The following PHF24 variants were observed in gnomAD, a reference collection of about 807,000 sequenced individuals.
PHF24 encodes the protein PHD finger protein 24.
A neutral mutation model predicts 42.6 loss-of-function variants in PHF24; 25 were observed. The observed-to-expected ratio is 0.59, with a 90% CI of 0.43 to 0.82. The LOEUF (loss-of-function observed/expected upper bound fraction) is 0.82. Among genes scored for constraint, PHF24 ranks in the 40% least tolerant of loss-of-function variants. PHF24 has a pLI of 0.00. For missense variants in PHF24, 470 were observed against 538.1 expected, an observed-to-expected ratio of 0.87 and a Z score of 1.25; for synonymous variants, 185 against 204.8, an observed-to-expected ratio of 0.90 and a Z score of 0.83.
upstream of PHF24, among the ~76,000 whole-genome samples, chr9:34,954,592 C>T (rs1280724333): frequency 6.6e-6 from 1 of 152,140 alleles, no homozygotes; most frequent in Non-Finnish European, 1.5e-5. Flanking sequence ...TTCTGATTTC[C>T]CCCCACAGTC....
exon 8 of PHF24, chr9:34,978,045 G>C (rs1050903587): frequency 1.1e-5 from 18 of 1,614,082 alleles, no homozygotes; most frequent in Admixed American, 1.7e-5. Flanking sequence ...TCCTGCAAGA[G>C]AATGTCCTCT....
the PHF24 span, among the ~76,000 whole-genome samples, chr9:34,765,316 T>C: frequency 6.6e-6 from 1 of 150,708 alleles, no homozygotes; most frequent in African/African-American, 2.4e-5. Flanking sequence ...AGTCTCCCAT[T>C]ATTATTGTGT....
the PHF24 span, among the ~76,000 whole-genome samples, chr9:34,852,168 C>T: frequency 2.0e-5 from 3 of 152,136 alleles, no homozygotes; most frequent in African/African-American, 7.2e-5. Flanking sequence ...TTTTCTCTTC[C>T]TTATGACTTT....
chr9:34,835,578 G>T, the PHF24 span: 3 of 1,551,756 alleles, frequency 1.9e-6, no homozygotes, highest in African/African-American at 2.7e-5. Context: ...ACAAGGCTGG[G>T]GTTGCTCTGC....
the PHF24 span, among the ~76,000 whole-genome samples, chr9:34,924,224 G>A: frequency 6.6e-6 from 1 of 152,018 alleles, no homozygotes; most frequent in African/African-American, 2.4e-5. Flanking sequence ...CTAATATATG[G>A]GCTGTCCTTG....
At chr9:34,689,964 C>T in the PHF24 span, 171 of 1,613,940 alleles carry the variant, frequency 1.1e-4, no homozygotes, top group Non-Finnish European at 1.4e-4. This position sits in a 1 kb window ranked among gnomAD's most constrained non-coding sequence, Gnocchi z 4.1. Flanking sequence ...CTGGATGATG[C>T]GTTCTACCCA....
chr9:34,811,284 G>A, the PHF24 span, among the ~76,000 whole-genome samples: 3 of 152,184 alleles, frequency 2.0e-5, no homozygotes, highest in Non-Finnish European at 4.4e-5. Flanking sequence ...TGGTTTGAAT[G>A]TGTCTCCCAA....
At chr9:34,875,946 A>ACTCTCTCTCTCTCT in the PHF24 span, among the ~76,000 whole-genome samples, 6 of 89,072 alleles carry the variant, frequency 6.7e-5, no homozygotes, top group African/African-American at 3.0e-4. Context: ...ACACACACAC[A>ACTCTCTCTCTCTCT]CACACTCTCT....
intron 4 of PHF24, 101 bp from the exon 5 acceptor site, chr9:34,976,434 A>C: frequency 2.4e-6 from 3 of 1,261,220 alleles, no homozygotes; most frequent in Non-Finnish European, 3.4e-6. Context: ...AGACTTAGCA[A>C]GAGCTGTGGG....
chr9:34,710,129 G>A, the PHF24 span: 1 of 1,421,878 alleles, frequency 7.0e-7, no homozygotes, highest in Non-Finnish European at 9.9e-7. Context: ...TGCAAGTTGG[G>A]GGTCTGTGCG....
At chr9:34,848,845 C>CA in the PHF24 span, among the ~76,000 whole-genome samples, 19 of 152,114 alleles carry the variant, frequency 1.2e-4, no homozygotes, top group Non-Finnish European at 2.4e-4. Flanking sequence ...TTTCTGCCTT[C>CA]ATTTCATTAT....
chr9:34,743,617 A>G, the PHF24 span, among the ~76,000 whole-genome samples: 1 of 152,228 alleles, frequency 6.6e-6, no homozygotes, highest in Non-Finnish European at 1.5e-5. Context: ...CATGCCTCCA[A>G]TATCCTAGGA....
the PHF24 span, among the ~76,000 whole-genome samples, chr9:34,816,295 A>G: frequency 1.3e-5 from 2 of 152,206 alleles, no homozygotes; most frequent in South Asian, 2.1e-4. Flanking sequence ...TATTCATAGC[A>G]TGAATATATT....
At chr9:34,889,048 G>A in the PHF24 span, 1 of 398,530 alleles carries the variant, frequency 2.5e-6, no homozygotes, top group Non-Finnish European at 4.4e-6. Context: ...AAAATGAGGA[G>A]GCACAAACAG....
exon 2 of PHF24, chr9:34,971,353 C>T: frequency 1.9e-6 from 3 of 1,613,842 alleles, no homozygotes; most frequent in Non-Finnish European, 2.5e-6. Context: ...GAAGGTGAGT[C>T]TGGCTGTGTC....
chr9:34,883,428 A>G, the PHF24 span, among the ~76,000 whole-genome samples: 518 of 152,336 alleles, frequency 3.4e-3, 3 homozygotes, highest in African/African-American at 0.012. Flanking sequence ...TGAACAGGCA[A>G]CCTACAAAAT....
At chr9:34,766,605 A>C in the PHF24 span, among the ~76,000 whole-genome samples, 3 of 152,064 alleles carry the variant, frequency 2.0e-5, no homozygotes, top group Non-Finnish European at 4.4e-5. Flanking sequence ...CATTCGTCTA[A>C]ATTTTTTGCA....
chr9:34,854,095 T>A, the PHF24 span, among the ~76,000 whole-genome samples: 51 of 152,182 alleles, frequency 3.4e-4, no homozygotes, highest in East Asian at 7.7e-3. Flanking sequence ...CTGATGGTTG[T>A]TTGTATTTCT....
chr9:34,777,730 C>G, the PHF24 span, among the ~76,000 whole-genome samples: 1 of 152,158 alleles, frequency 6.6e-6, no homozygotes, highest in South Asian at 2.1e-4. Context: ...GGACAGAAGC[C>G]CATGCTTCTC....
Sources: gnomAD v4.1 joint callset for allele counts (sites outside exome capture counted in the v4.1 genomes callset) on GRCh38, gnomAD v4.1.1 for gene constraint, Gnocchi (gnomAD v3.1) non-coding constraint, MANE v1.5 for transcripts, NCBI Gene and HGNC (gene_info 2026-07-23, HGNC 2026-07-21) for gene names.